Variants in ANO2 observed in about 807,000 individuals in gnomAD.
The protein encoded by ANO2 is anoctamin-2.
ANO2 carries 101 observed loss-of-function variants against 124.2 expected under a neutral mutation model. The ratio of observed to expected loss-of-function variants is 0.81; its 90% confidence interval spans 0.69 to 0.96. ANO2 has a LOEUF of 0.96. ANO2 is among the 40% of genes least tolerant of loss of function. ANO2 has a pLI of 0.00. For missense variants in ANO2, 1,293 were observed against 1,274.5 expected, an observed-to-expected ratio of 1.01 and a Z score of -0.22; for synonymous variants, 486 against 482.5, an observed-to-expected ratio of 1.01 and a Z score of -0.09.
intron 14 of ANO2, among the ~76,000 whole-genome samples, chr12:5,660,659 G>A (rs77590605): frequency 0.012 from 1,877 of 152,094 alleles, 87 homozygotes; most frequent in East Asian, 0.1. Context: ...GGCTTTTTAA[G>A]GAAAACATCA....
At chr12:5,664,147 C>A (rs1229289525) in intron 14 of ANO2, among the ~76,000 whole-genome samples, 1 of 152,254 alleles carries the variant, frequency 6.6e-6, no homozygotes, top group African/African-American at 2.4e-5. Flanking sequence ...TGCATACACA[C>A]AAACTCATGC....
chr12:5,798,609 T>G (rs1952944130), intron 10 of ANO2, among the ~76,000 whole-genome samples: 1 of 152,142 alleles, frequency 6.6e-6, no homozygotes, highest in South Asian at 2.1e-4. Flanking sequence ...TGGAGCAGCC[T>G]CCTCCTGCAG....
chr12:5,710,078 G>A (rs148302517), intron 14 of ANO2, among the ~76,000 whole-genome samples: 2 of 152,294 alleles, frequency 1.3e-5, no homozygotes, highest in South Asian at 2.1e-4. Context: ...AAGAAGTGAC[G>A]AGAACTTAAA....
chr12:5,617,660 T>A (rs1016893839), intron 16 of ANO2, among the ~76,000 whole-genome samples: 1 of 151,060 alleles, frequency 6.6e-6, no homozygotes, highest in Non-Finnish European at 1.5e-5. Context: ...TGTGCCACCT[T>A]CTCCAGATTA....
At chr12:5,906,235 C>G (rs1258605788) in intron 3 of ANO2, among the ~76,000 whole-genome samples, 1 of 151,894 alleles carries the variant, frequency 6.6e-6, no homozygotes, top group Non-Finnish European at 1.5e-5. Flanking sequence ...TCCTGGGCAT[C>G]TCTGCCTCCT....
intron 20 of ANO2, among the ~76,000 whole-genome samples, chr12:5,592,086 C>T (rs1235354562): frequency 6.6e-6 from 1 of 152,160 alleles, no homozygotes; most frequent in East Asian, 1.9e-4. Flanking sequence ...AAAATTATTG[C>T]ACATTAAAAA....
At chr12:5,673,638 C>T (rs1309407396) in intron 14 of ANO2, among the ~76,000 whole-genome samples, 4 of 152,146 alleles carry the variant, frequency 2.6e-5, no homozygotes, top group Non-Finnish European at 4.4e-5. Flanking sequence ...CACTACATTC[C>T]ATTTTAATGG....
At chr12:5,702,573 C>CAAAAA (rs56905348) in intron 14 of ANO2, among the ~76,000 whole-genome samples, 2 of 144,482 alleles carry the variant, frequency 1.4e-5, no homozygotes, top group Non-Finnish European at 1.5e-5. Context: ...CCAAAAAATG[C>CAAAAA]AAAAAAAAAA....
chr12:5,827,072 C>T (rs558379952), intron 7 of ANO2, among the ~76,000 whole-genome samples: 21 of 152,196 alleles, frequency 1.4e-4, no homozygotes, highest in South Asian at 2.1e-4. Context: ...GCACATTTTT[C>T]GAAAAAGCAG....
chr12:5,864,936 A>G (rs984922364), intron 3 of ANO2, among the ~76,000 whole-genome samples: 3 of 152,198 alleles, frequency 2.0e-5, no homozygotes, highest in African/African-American at 7.2e-5. Flanking sequence ...ATTCCCAGGC[A>G]TTTAAAAGCT....
chr12:5,853,990 T>TGCATCC, intron 4 of ANO2, 53 bp downstream of exon 4: 1 of 1,471,402 alleles, frequency 6.8e-7, no homozygotes. Flanking sequence ...CCAAATTATT[T>TGCATCC]GCATCCATCC....
intron 4 of ANO2, chr12:5,852,048 C>A: frequency 1.4e-6 from 1 of 703,350 alleles, no homozygotes; most frequent in East Asian, 2.7e-5. Flanking sequence ...TTCAGATAAA[C>A]CAGAGAGAAA....
chr12:5,684,037 G>T (rs937290387), intron 14 of ANO2, among the ~76,000 whole-genome samples: 1 of 152,150 alleles, frequency 6.6e-6, no homozygotes, highest in African/African-American at 2.4e-5. Flanking sequence ...GGAGTGCAGG[G>T]GTGACTGTAA....
intron 7 of ANO2, among the ~76,000 whole-genome samples, chr12:5,821,004 C>T (rs1953777876): frequency 6.6e-6 from 1 of 152,220 alleles, no homozygotes; most frequent in African/African-American, 2.4e-5. Flanking sequence ...TGTCCTCCCT[C>T]AGGGTTATAT....
At chr12:5,905,306 T>C (rs964331593) in intron 3 of ANO2, among the ~76,000 whole-genome samples, 1 of 152,210 alleles carries the variant, frequency 6.6e-6, no homozygotes, top group African/African-American at 2.4e-5. Context: ...ATGACCCTGA[T>C]CAAGTTATGT....
chr12:5,838,480 A>G (rs902578412), intron 4 of ANO2, among the ~76,000 whole-genome samples: 1 of 152,142 alleles, frequency 6.6e-6, no homozygotes, highest in Non-Finnish European at 1.5e-5. Context: ...CATATCCACA[A>G]TAAAACACAC....
chr12:5,889,991 G>A (rs1353983237), intron 3 of ANO2, among the ~76,000 whole-genome samples: 1 of 151,924 alleles, frequency 6.6e-6, no homozygotes, highest in Non-Finnish European at 1.5e-5. Context: ...TCACAGATGG[G>A]AAATAGGACT....
chr12:5,915,928 T>C (rs1941351207), intron 3 of ANO2, among the ~76,000 whole-genome samples: 2 of 152,190 alleles, frequency 1.3e-5, no homozygotes, highest in Admixed American at 6.5e-5. Flanking sequence ...TGTTCATTAT[T>C]ACTAGGGGAG....
intron 11 of ANO2, among the ~76,000 whole-genome samples, chr12:5,749,626 A>G (rs1359586182): frequency 6.6e-6 from 1 of 152,238 alleles, no homozygotes; most frequent in East Asian, 1.9e-4. Flanking sequence ...GAATATTAAA[A>G]CATACTAACC....
Sources: gnomAD v4.1 joint callset for allele counts (sites outside exome capture counted in the v4.1 genomes callset) on GRCh38, gnomAD v4.1.1 for gene constraint, MANE v1.5 for transcripts, NCBI Gene and HGNC (gene_info 2026-07-23, HGNC 2026-07-21) for gene names.